CABLES1: variants seen among roughly 807,000 people sequenced by gnomAD.
CABLES1 encodes Cdk5 and Abl enzyme substrate 1, also known as CDK5 and ABL1 enzyme substrate 1.
CABLES1 carries 36 observed loss-of-function variants against 57.8 expected under a neutral mutation model. That is an observed-to-expected ratio of 0.62 (90% confidence interval 0.48 to 0.82). The LOEUF is 0.82. Among genes scored for constraint, CABLES1 ranks in the 40% least tolerant of loss-of-function variants. The pLI, the probability that CABLES1 is intolerant of heterozygous loss-of-function variation, is 0.00. For synonymous variants in CABLES1, 374 were observed against 363.0 expected, an observed-to-expected ratio of 1.03 and a Z score of -0.35; for missense variants, 767 against 836.6, an observed-to-expected ratio of 0.92 and a Z score of 1.03.
intron 1 of CABLES1, among the ~76,000 whole-genome samples, chr18:23,178,952 G>C (rs2047144285): frequency 6.6e-6 from 1 of 152,198 alleles, no homozygotes; most frequent in Admixed American, 6.6e-5. Context: ...GTTTTTGCCT[G>C]ATTCATCAGC....
Position 23,213,978 on chromosome 18 carries a change from A to G in CABLES1, c.1012A>G (p.Ile338Val), listed in dbSNP as rs749670341. The change falls in exon 4 of 10, where the codon ATA becomes GTA. Residue 338 changes from isoleucine (I) to valine (V), a missense_variant and splice_region_variant. Physicochemically the swap from Ile to Val is conservative, Grantham distance 29. Coordinates refer to ENST00000256925, the MANE Select transcript of CABLES1 (RefSeq NM_001100619.3). ...TTTGTTCTTCTTTTTATTTTTTAGAATAGTCCTTATCAGTGGCAGAAGATC... is the reference window on the plus strand; with the variant it reads ...TTTGTTCTTCTTTTTATTTTTTAGAGTAGTCCTTATCAGTGGCAGAAGATC... ...MRQHDTRNGR[I>V]VLISGRRSFC... 4.4e-6 allele frequency: 7 copies of G among 1,590,884 alleles called. No individual in the cohort carries two copies. In the African/African-American group the frequency reaches 6.8e-5, roughly 15 times the overall value.
At position 23,145,292 on chromosome 18, in the gene CABLES1, C is replaced by T. The variant is rs958871353; in HGVS notation, c.845+8685C>T. ...TTCATCATGTTAGCCAGGCTGGGCT[C>T]GATCTCTTGACCTCGTGATCTGCCT... On this transcript the variant is annotated intron_variant, in intron 1 of 9. Transcript: ENST00000256925. Among the ~76,000 whole-genome samples, 9 of 152,096 alleles carry T rather than the reference C, an allele frequency of 5.9e-5. No individual in the cohort carries two copies. The South Asian group carries it at 6.2e-4, about 11-fold the overall frequency.
intron 1 of CABLES1, among the ~76,000 whole-genome samples, chr18:23,151,558 A>G (rs1366265560): frequency 3.7e-4 from 57 of 152,092 alleles, no homozygotes; most frequent in Admixed American, 3.7e-3. Flanking sequence ...CTTTTGTCTA[A>G]TTGGAGAGAA....
chr18:23,218,851 G>A (rs142299490), intron 4 of CABLES1, among the ~76,000 whole-genome samples: 1,936 of 152,284 alleles, frequency 0.013, 13 homozygotes, highest in Middle Eastern at 0.024. Context: ...TGCTCCCAGC[G>A]AATTAAGGCC....
chr18:23,244,395 C>T (rs766721994), intron 7 of CABLES1, among the ~76,000 whole-genome samples: 8 of 152,186 alleles, frequency 5.3e-5, no homozygotes, highest in Non-Finnish European at 8.8e-5. Flanking sequence ...ATCCAGGATT[C>T]GGTATTTTGA....
chr18:23,226,987 C>T (rs1057192823), intron 4 of CABLES1: 18 of 152,074 alleles, frequency 1.2e-4, no homozygotes, highest in Admixed American at 3.3e-4. Flanking sequence ...ACTACAGATG[C>T]ATCAGAGACC....
intron 4 of CABLES1, among the ~76,000 whole-genome samples, chr18:23,218,061 G>C (rs374331060): frequency 3.3e-5 from 5 of 152,088 alleles, no homozygotes; most frequent in Non-Finnish European, 7.4e-5. Flanking sequence ...CAACACCCCC[G>C]CCACCCCACC....
rs192817139 is a variant in CABLES1 at position 23,212,725 on chromosome 18, G to C, written c.1011-1252G>C. On this transcript the variant is annotated intron_variant, in intron 3 of 9. Coordinates refer to ENST00000256925, the MANE Select transcript of CABLES1 (RefSeq NM_001100619.3). ...ATGATCAGCAGTGTGGATCACATCC[G>C]TGCCCTCCTGGACGTCTGAATGGGG... 5.9e-5 allele frequency among the ~76,000 whole-genome samples: 9 copies of C among 152,254 alleles called. No individual in the cohort carries two copies. In the East Asian group the frequency reaches 1.7e-3, roughly 29 times the overall value.
At chr18:23,191,958 G>A (rs554676778) in intron 2 of CABLES1, among the ~76,000 whole-genome samples, 1 of 135,938 alleles carries the variant, frequency 7.4e-6, no homozygotes, top group South Asian at 2.5e-4. Context: ...ACAACAAACA[G>A]CTTGCTTAAT....
intron 1 of CABLES1, among the ~76,000 whole-genome samples, chr18:23,178,273 T>C (rs936274064): frequency 1.3e-5 from 2 of 152,138 alleles, no homozygotes; most frequent in Non-Finnish European, 2.9e-5. Context: ...TTCTGCGTAT[T>C]CCATTGTGTG....
rs912313867 is a variant in CABLES1, at chr18:23,259,523, A to T, written c.*2156A>T. 5.3e-5 allele frequency: 8 copies of T among 152,190 alleles called. No individual in the cohort carries two copies. The highest frequency in any genetic ancestry group is 1.9e-4 in the African/African-American group (8 of 41,436). The allele number at this position is 152,190 out of a possible 1,614,324, so 9.4% of individuals were successfully genotyped here. A position where few individuals can be genotyped will look rare whatever the true frequency, so the allele number is the denominator to read the frequency against. ...TTTTTAAAGATGCATTTTCATTTTA[A>T]ACTGTCTCCTGGCCTGTGGATTTGT... is the stretch of plus-strand genomic sequence containing the variant. On this transcript the variant is annotated 3_prime_UTR_variant, in exon 10 of 10. Transcript: ENST00000256925.
At chr18:23,195,298 C>G (rs1217345742) in intron 3 of CABLES1, among the ~76,000 whole-genome samples, 4 of 152,168 alleles carry the variant, frequency 2.6e-5, no homozygotes, top group African/African-American at 4.8e-5. Flanking sequence ...GGGGCAGTTG[C>G]TCCCCACTGA....
At chr18:23,180,167 C>T (rs563564580) in intron 1 of CABLES1, among the ~76,000 whole-genome samples, 2 of 152,230 alleles carry the variant, frequency 1.3e-5, no homozygotes, top group East Asian at 3.9e-4. Context: ...GTGATCCACC[C>T]GCCTCAGCCT....
intron 4 of CABLES1, among the ~76,000 whole-genome samples, chr18:23,232,222 C>T (rs1416106131): frequency 6.6e-6 from 1 of 152,200 alleles, no homozygotes; most frequent in Non-Finnish European, 1.5e-5. Flanking sequence ...CCCTACTTCT[C>T]TCTTAATTTC....
chr18:23,169,629 TA>T (rs1038147396), intron 1 of CABLES1, among the ~76,000 whole-genome samples: 1 of 152,206 alleles, frequency 6.6e-6, no homozygotes, highest in Non-Finnish European at 1.5e-5. Flanking sequence ...CCCCAGTGGG[TA>T]AAACTTTATT....
intron 7 of CABLES1, among the ~76,000 whole-genome samples, chr18:23,250,809 AGCCAAGTGTTCGAAAACTC>A (rs1217882807): frequency 6.6e-6 from 1 of 152,262 alleles, no homozygotes; most frequent in African/African-American, 2.4e-5. Flanking sequence ...GTCCTCTTCC[AGCCAAGTGTTCGAAAACTC>A]TGAACAGGTC....
intron 1 of CABLES1, among the ~76,000 whole-genome samples, chr18:23,143,908 G>A (rs912870882): frequency 1.3e-5 from 2 of 152,176 alleles, no homozygotes; most frequent in African/African-American, 2.4e-5. Flanking sequence ...TATTTCAGGC[G>A]AGGCAGCTGT....
At chr18:23,160,220 G>A (rs2046994233) in intron 1 of CABLES1, among the ~76,000 whole-genome samples, 2 of 152,016 alleles carry the variant, frequency 1.3e-5, no homozygotes, top group East Asian at 1.9e-4. Context: ...TGTATTTTTA[G>A]TAGAGATGGG....
intron 3 of CABLES1, 66 bp downstream of exon 3, chr18:23,194,606 C>T: frequency 9.2e-7 from 1 of 1,085,868 alleles, no homozygotes; most frequent in Non-Finnish European, 1.4e-6. Flanking sequence ...GAGGAGGGGA[C>T]AGTTTTAGTG....
Sources: gnomAD v4.1 joint callset for allele counts (sites outside exome capture counted in the v4.1 genomes callset) on GRCh38, gnomAD v4.1.1 for gene constraint, MANE v1.5 for transcripts, NCBI Gene and HGNC (gene_info 2026-07-23, HGNC 2026-07-21) for gene names.